The following PLOD1 variants were observed in gnomAD, a reference collection of about 807,000 sequenced individuals.
PLOD1 encodes the protein lysine hydroxylase.
PLOD1 carries 70 observed loss-of-function variants against 94.7 expected under a neutral mutation model. The observed-to-expected ratio is 0.74, with a 90% CI of 0.61 to 0.90. The LOEUF (loss-of-function observed/expected upper bound fraction) is 0.90, where lower values mean the gene tolerates loss of function less well. Ranked by LOEUF, PLOD1 falls within the 40% of genes least tolerant of loss-of-function variation. The pLI, the probability that PLOD1 is intolerant of heterozygous loss-of-function variation, is 0.00. For missense variants in PLOD1, 905 were observed against 972.7 expected (o/e 0.93, Z 0.93); for synonymous variants, 417 against 400.2 (o/e 1.04, Z -0.50).
At chr1:11,934,938 A>G (rs1645568201) in intron 1 of PLOD1, 83 bp downstream of exon 1, 2 of 1,469,786 alleles carry the variant, frequency 1.4e-6, no homozygotes, top group South Asian at 1.3e-5. Context: ...AACGACCTGA[A>G]TGGGAGGCCT....
At chr1:11,947,936 A>G in intron 1 of PLOD1, 40 bp from the exon 2 acceptor site, 1 of 1,313,088 alleles carries the variant, frequency 7.6e-7, no homozygotes, top group East Asian at 2.3e-5. Context: ...CACCTCCCTC[A>G]TCCTCCATTC....
rs1265414816 is a variant in PLOD1, at chr1:11,966,285, C to T, written c.1619C>T (p.Thr540Ile). Residue 540 changes from threonine (T) to isoleucine (I), a missense_variant, in exon 15 of 19, where the codon ACC becomes ATC. Physicochemically the swap from Thr to Ile is moderately conservative, Grantham distance 89. Coordinates refer to ENST00000196061, the MANE Select transcript of PLOD1 (RefSeq NM_000302.4). ...WKEKYIHQNY[T>I]KALAGKLVET... is the part of the protein sequence containing the mutation. ...GAGAAGTACATCCACCAGAACTACA[C>T]CAAAGCCCTGGCAGGGAAGCTGGTG... 9 of 1,608,094 alleles carry T rather than the reference C, an allele frequency of 5.6e-6. No homozygotes were observed. Among genetic ancestry groups the T allele is most frequent in the Non-Finnish European group, 7.6e-6 (9 of 1,177,304 alleles).
chr1:11,935,628 C>CT (rs756545321), intron 1 of PLOD1, among the ~76,000 whole-genome samples: 40,164 of 140,404 alleles, frequency 0.29, 6,497 homozygotes, highest in East Asian at 0.47. Context: ...AAAAGCAATT[C>CT]TTTTTTTTTT....
intron 1 of PLOD1, chr1:11,944,468 C>T (rs1645636301): frequency 7.9e-7 from 1 of 1,258,868 alleles, no homozygotes; most frequent in Non-Finnish European, 1.1e-6. Context: ...CTCACATGCT[C>T]TCACGCTGGC....
In PLOD1 at chr1:11,934,767, C is replaced by G; in HGVS notation, c.-13C>G. 2 of 1,534,478 alleles carry G rather than the reference C, an allele frequency of 1.3e-6. No individual in the cohort carries two copies. The highest frequency in any genetic ancestry group is 1.7e-6 in the Non-Finnish European group (2 of 1,144,220). ...CGCCGCCGGGTCGGCCGATCGTCCC[C>G]CATACCTCGGCCATGCGGCCCCTGC... On this transcript the variant is annotated 5_prime_UTR_variant, in exon 1 of 19. Coordinates refer to ENST00000196061, the MANE Select transcript of PLOD1 (RefSeq NM_000302.4).
chr1:11,939,151 G>A (rs779428799), intron 1 of PLOD1, among the ~76,000 whole-genome samples: 5 of 152,112 alleles, frequency 3.3e-5, no homozygotes, highest in Non-Finnish European at 7.4e-5. Context: ...GGCCGTTCAG[G>A]TCATGCTGTT....
rs1403113244 is a variant in PLOD1 at position 11,964,266 on chromosome 1, G to A, written c.1294G>A (p.Glu432Lys). The A allele has an allele frequency of 4.6e-6, 7 of 1,528,390 alleles. No homozygotes were observed. Among genetic ancestry groups the A allele is most frequent in the African/African-American group, 1.4e-5 (1 of 71,558 alleles). 94.7% of individuals were successfully genotyped at this position (1,528,390 alleles called of 1,614,324 possible). ...LSADGYYARS[E>K]DYVDIVQGRR... ...TGCAGATGGCTACTATGCCCGTTCC[G>A]AGGACTACGTGGACATTGTGCAGGG... is the stretch of plus-strand genomic sequence containing the variant. The change falls in exon 12 of 19, where the codon GAG becomes AAG. Residue 432 changes from glutamate to lysine, a missense_variant. Physicochemically the swap from Glu to Lys is moderately conservative, Grantham distance 56 (BLOSUM62 1). Coordinates refer to ENST00000196061, the MANE Select transcript of PLOD1 (RefSeq NM_000302.4).
intron 15 of PLOD1, 179 bp downstream of exon 15, chr1:11,966,495 G>A (rs1415395393): frequency 3.5e-5 from 9 of 255,354 alleles, no homozygotes; most frequent in African/African-American, 1.6e-4. Context: ...ATGGGGGGGC[G>A]GCGGGATGGG....
At chr1:11,945,888 T>C (rs1319049406) in intron 1 of PLOD1, among the ~76,000 whole-genome samples, 1 of 152,038 alleles carries the variant, frequency 6.6e-6, no homozygotes, top group Non-Finnish European at 1.5e-5. Flanking sequence ...TTTGTATTTT[T>C]AGTAGAGACG....
At chr1:11,970,185 A>C (rs1423107267) in intron 16 of PLOD1, among the ~76,000 whole-genome samples, 1 of 151,960 alleles carries the variant, frequency 6.6e-6, no homozygotes, top group Non-Finnish European at 1.5e-5. Context: ...CAGGCGGTGG[A>C]GGTTGCAGTG....
In PLOD1 at chr1:11,963,087, T is replaced by C. The variant is rs529714007; in HGVS notation, c.1098-445T>C. On this transcript the variant is annotated intron_variant, in intron 10 of 18. Transcript: ENST00000196061. This position sits in a 1 kb window ranked among gnomAD's most constrained non-coding sequence, Gnocchi z 4.3. Reference sequence around the variant, plus strand: ...AATAAAAAAAAGAAAAACATAAAGCTGTTCTTAGCCCATGAGCTGTACAAA... The same window carrying C: ...AATAAAAAAAAGAAAAACATAAAGCCGTTCTTAGCCCATGAGCTGTACAAA... Among the ~76,000 whole-genome samples the C allele has an allele frequency of 4.6e-5, 7 of 152,168 alleles. No homozygotes were observed. The East Asian group carries it at 1.4e-3, about 29-fold the overall frequency.
intron 16 of PLOD1, among the ~76,000 whole-genome samples, chr1:11,968,797 T>C (rs552438080): frequency 6.6e-6 from 1 of 150,854 alleles, no homozygotes; most frequent in South Asian, 2.1e-4. Context: ...ATTACAGGCA[T>C]GAGCCACCGC....
At chr1:11,966,342 A>T in intron 15 of PLOD1, 26 bp downstream of exon 15, 1 of 1,564,170 alleles carries the variant, frequency 6.4e-7, no homozygotes, top group South Asian at 1.1e-5. Context: ...ACCCTCTTGG[A>T]CCAGCCTTGC....
chr1:11,951,920 A>AAAAT (rs144286387), intron 4 of PLOD1, among the ~76,000 whole-genome samples: 2 of 152,050 alleles, frequency 1.3e-5, no homozygotes, highest in African/African-American at 4.8e-5. Context: ...CATTGTCTTA[A>AAAAT]AAATAAATAA....
intron 10 of PLOD1, among the ~76,000 whole-genome samples, chr1:11,962,681 T>C (rs1645787270): frequency 6.6e-6 from 1 of 151,984 alleles, no homozygotes; most frequent in Non-Finnish European, 1.5e-5. Flanking sequence ...CTGGGGAAGT[T>C]GAGGCTGCAG....
chr1:11,962,604 A>G (rs1645786907), intron 10 of PLOD1, among the ~76,000 whole-genome samples: 1 of 152,118 alleles, frequency 6.6e-6, no homozygotes, highest in South Asian at 2.1e-4. Context: ...AACAACTTAA[A>G]AACATAAAAT....
chr1:11,942,857 T>C (rs116646414), intron 1 of PLOD1, among the ~76,000 whole-genome samples: 1,610 of 152,312 alleles, frequency 0.011, 22 homozygotes, highest in African/African-American at 0.037. Context: ...ACAACCTCTC[T>C]TGTGATGCTG....
At chr1:11,946,754 G>A (rs1026338189) in intron 1 of PLOD1, among the ~76,000 whole-genome samples, 36 of 151,038 alleles carry the variant, frequency 2.4e-4, no homozygotes, top group African/African-American at 8.5e-4. Flanking sequence ...ATGACATGTT[G>A]GTCAGTGTAT....
At chr1:11,973,700 C>G (rs150465228) in intron 18 of PLOD1, among the ~76,000 whole-genome samples, 57 of 151,950 alleles carry the variant, frequency 3.8e-4, no homozygotes, top group Non-Finnish European at 4.4e-5. Context: ...CCACCTCAGC[C>G]CCCCCAAGTA....
Sources: gnomAD v4.1 joint callset for allele counts (sites outside exome capture counted in the v4.1 genomes callset) on GRCh38, gnomAD v4.1.1 for gene constraint, Gnocchi (gnomAD v3.1) non-coding constraint, MANE v1.5 for transcripts, NCBI Gene and HGNC (gene_info 2026-07-23, HGNC 2026-07-21) for gene names.